The following ATG13 variants were observed in gnomAD, a reference collection of about 807,000 sequenced individuals.
ATG13 encodes autophagy related 13, also known as autophagy-related protein 13.
Under a neutral mutation model 65.5 loss-of-function variants are expected in ATG13, and 23 were observed. The observed-to-expected ratio is 0.35, with a 90% CI of 0.25 to 0.50. ATG13 has a LOEUF of 0.50. ATG13 is among the 20% of genes least tolerant of loss of function. The probability of loss-of-function intolerance (pLI) is 0.98; values close to 1 mark genes in which losing one functional copy is unlikely to be tolerated. For synonymous variants in ATG13, 252 were observed against 245.2 expected (o/e 1.03, Z -0.26); for missense variants, 566 against 677.0 (o/e 0.84, Z 1.82).
Position 46,644,265 on chromosome 11 carries a change from C to CT in ATG13, c.-13-3dup, listed in dbSNP as rs750958461. On this transcript the variant is annotated splice_polypyrimidine_tract_variant and intron_variant, in intron 2 of 18. Transcript: ENST00000683050. ...AAAGATATTAGTCATATTTTTTTCA[C>CT]TTTTTTTTTTTAGATTCCTATAGGC... 60,668 of 998,918 alleles carry CT rather than the reference C, an allele frequency of 0.061. 4 individuals are homozygous for CT. Among genetic ancestry groups the CT allele is most frequent in the South Asian group, 0.084 (4,633 of 54,914 alleles). The allele number at this position is 998,918 out of a possible 1,614,324, so 61.9% of individuals were successfully genotyped here. A position where few individuals can be genotyped will look rare whatever the true frequency, so the allele number is the denominator to read the frequency against.
chr11:46,664,104 A>G lies in ATG13; in HGVS notation c.888+9A>G. On this transcript the variant is annotated intron_variant, in intron 12 of 18. Coordinates refer to ENST00000683050, the MANE Select transcript of ATG13 (RefSeq NM_001346311.2). Reference sequence around the variant, plus strand: ...TGGCCTTTTCCCATCAAGTGAGTCCATAATGGGAAGAAGGGGATATAATCA... The same window carrying G: ...TGGCCTTTTCCCATCAAGTGAGTCCGTAATGGGAAGAAGGGGATATAATCA... The G allele has an allele frequency of 6.4e-7, 1 of 1,562,222 alleles. No individual in the cohort carries two copies. The highest frequency in any genetic ancestry group is 1.1e-5 in the South Asian group (1 of 87,754).
intron 2 of ATG13, 103 bp from the exon 3 acceptor site, chr11:46,644,176 A>G: frequency 1.2e-6 from 1 of 847,632 alleles, no homozygotes; most frequent in Non-Finnish European, 1.7e-6. Flanking sequence ...CCACTCCCAC[A>G]TGATTATTCC....
intron 2 of ATG13, among the ~76,000 whole-genome samples, chr11:46,643,211 G>C (rs1405803071): frequency 2.6e-5 from 4 of 152,070 alleles, no homozygotes; most frequent in Non-Finnish European, 5.9e-5. Flanking sequence ...CAGGGGTTGG[G>C]GGTTGGCGGT....
At chr11:46,637,479 T>C (rs2054365606) in intron 2 of ATG13, among the ~76,000 whole-genome samples, 1 of 152,176 alleles carries the variant, frequency 6.6e-6, no homozygotes, top group East Asian at 1.9e-4. Context: ...TTCAAGTGAT[T>C]CTCTTGCCCA....
At position 46,665,394 on chromosome 11, in the gene ATG13, T is replaced by C. The variant is rs753483474; in HGVS notation, c.1011T>C (p.Pro337=). Residue 337 remains proline (P), a synonymous_variant, in exon 14 of 19, where the codon CCT becomes CCC. Transcript: ENST00000683050. The stretch of plus-strand genomic sequence containing the variant: ...ATTTTTCCCCAAAGCTGATGGTTCC[T>C]GGGAAGGAAGGTGGGGTACCCCTTG... The part of the protein sequence containing the change: ...NATHPHQLMV[P]GKEGGVPLAP... The C allele has an allele frequency of 6.2e-7, 1 of 1,613,912 alleles. No homozygotes were observed. Among genetic ancestry groups the C allele is most frequent in the Non-Finnish European group, 8.5e-7 (1 of 1,179,872 alleles).
intron 1 of ATG13, among the ~76,000 whole-genome samples, chr11:46,624,847 A>T (rs1273261945): frequency 6.6e-6 from 1 of 152,134 alleles, no homozygotes; most frequent in African/African-American, 2.4e-5. Flanking sequence ...AGCCTGAGCA[A>T]CATAGTGAGA....
chr11:46,657,109 C>T lies in ATG13; in HGVS notation c.514C>T (p.Arg172Cys), dbSNP rs759630324. ...SGLGEGFQTV[R>C]VGTVGTPVGT... is the part of the protein sequence containing the mutation. Reference sequence around the variant, plus strand: ...TCTTCTCCTAGGCTTCCAGACAGTTCGTGTTGGGACAGTGGGCACCCCTGT... The same window carrying T: ...TCTTCTCCTAGGCTTCCAGACAGTTTGTGTTGGGACAGTGGGCACCCCTGT... The change falls in exon 9 of 19, where the codon CGT (arginine) becomes TGT (cysteine). Residue 172 changes from arginine (R) to cysteine (C), a missense_variant. Arg to Cys is a radical substitution (Grantham distance 180). Transcript: ENST00000683050. 14 of 1,613,876 alleles carry T rather than the reference C, an allele frequency of 8.7e-6. No homozygotes were observed. The highest frequency in any genetic ancestry group is 1.3e-5 in the African/African-American group (1 of 75,038).
chr11:46,665,395 G>A lies in ATG13; in HGVS notation c.1012G>A (p.Gly338Arg). The A allele has an allele frequency of 6.2e-7, 1 of 1,613,884 alleles. No homozygotes were observed. ...TTTTTCCCCAAAGCTGATGGTTCCTGGGAAGGAAGGTGGGGTACCCCTTGC... is the reference window on the plus strand; with the variant it reads ...TTTTTCCCCAAAGCTGATGGTTCCTAGGAAGGAAGGTGGGGTACCCCTTGC... ...ATHPHQLMVP[G>R]KEGGVPLAPN... The change falls in exon 14 of 19, where the codon GGG becomes AGG. Residue 338 changes from glycine (G) to arginine (R), a missense_variant. By Grantham distance (125) the Gly-to-Arg change is moderately radical. Transcript: ENST00000683050.
At position 46,649,128 on chromosome 11, in the gene ATG13, T is replaced by C. The variant is rs2058380728; in HGVS notation, c.271-9T>C. On this transcript the variant is annotated splice_polypyrimidine_tract_variant and intron_variant, in intron 5 of 18. Transcript: ENST00000683050. ...TTAAACAAATATTTTAAATTTGTCC[T>C]TTCTACAGGGAGATTCCATGGAGCT... is the stretch of plus-strand genomic sequence containing the variant. The C allele has an allele frequency of 1.2e-6, 2 of 1,609,184 alleles. No individual in the cohort carries two copies. Among genetic ancestry groups the C allele is most frequent in the South Asian group, 1.1e-5 (1 of 89,792 alleles).
At chr11:46,664,332 A>G (rs971126249) in intron 12 of ATG13, among the ~76,000 whole-genome samples, 1 of 152,214 alleles carries the variant, frequency 6.6e-6, no homozygotes, top group African/African-American at 2.4e-5. Context: ...TATTTATATC[A>G]GATTTTTAAA....
intron 7 of ATG13, 119 bp downstream of exon 7, chr11:46,650,436 G>C: frequency 1.5e-6 from 2 of 1,347,078 alleles, no homozygotes; most frequent in Non-Finnish European, 2.0e-6. Flanking sequence ...TTGGATTATT[G>C]ATGCTGTCGC....
At chr11:46,646,490 T>C (rs1384393011) in intron 5 of ATG13, among the ~76,000 whole-genome samples, 1 of 150,252 alleles carries the variant, frequency 6.7e-6, no homozygotes, top group Non-Finnish European at 1.5e-5. Context: ...TGAGACAGAG[T>C]TTCACTCTTG....
chr11:46,644,027 G>T (rs1215699596), intron 2 of ATG13, among the ~76,000 whole-genome samples: 1 of 152,152 alleles, frequency 6.6e-6, no homozygotes, highest in Non-Finnish European at 1.5e-5. Context: ...AAAGCTCAAA[G>T]TTTCAGAATC....
At chr11:46,640,759 T>G (rs1413162710) in intron 2 of ATG13, among the ~76,000 whole-genome samples, 1 of 152,206 alleles carries the variant, frequency 6.6e-6, no homozygotes, top group Non-Finnish European at 1.5e-5. Flanking sequence ...AAATGCAGAT[T>G]AGATGAGATA....
chr11:46,667,816 T>A lies in ATG13; in HGVS notation c.1180T>A (p.Ser394Thr), dbSNP rs369262344. 1.2e-6 allele frequency: 2 copies of A among 1,611,714 alleles called. No homozygotes were observed. Among genetic ancestry groups the A allele is most frequent in the African/African-American group, 2.7e-5 (2 of 74,876 alleles). ...TVSNSSEGRA[S>T]PHDVLETIFV... ...ATCAAACAGCAGTGAGGGACGGGCC[T>A]CCCCTCACGATGTCTTGGAGACCAT... is the stretch of plus-strand genomic sequence containing the variant. The change falls in exon 15 of 19, where the codon TCC (serine) becomes ACC (threonine). Residue 394 changes from serine to threonine, a missense_variant. Coordinates refer to ENST00000683050, the MANE Select transcript of ATG13 (RefSeq NM_001346311.2).
intron 2 of ATG13, among the ~76,000 whole-genome samples, chr11:46,634,625 C>T (rs2053279929): frequency 6.6e-6 from 1 of 151,882 alleles, no homozygotes; most frequent in South Asian, 2.1e-4. Context: ...AAACTCCTGA[C>T]CTCAAGTAAT....
At chr11:46,648,931 C>T (rs1048230539) in intron 5 of ATG13, 10 of 401,602 alleles carry the variant, frequency 2.5e-5, no homozygotes, top group Admixed American at 2.2e-4. Flanking sequence ...AATTCCATGA[C>T]GTATTTATTA....
intron 2 of ATG13, among the ~76,000 whole-genome samples, chr11:46,633,028 T>TATATA (rs1565448175): frequency 1.2e-3 from 73 of 60,772 alleles, no homozygotes; most frequent in African/African-American, 4.6e-3. Flanking sequence ...ATATATATAT[T>TATATA]TTTTTTTTTT....
intron 7 of ATG13, among the ~76,000 whole-genome samples, chr11:46,654,565 A>T (rs1484011779): frequency 6.7e-6 from 1 of 150,022 alleles, no homozygotes; most frequent in East Asian, 2.0e-4. Context: ...TACTAGAAAT[A>T]AAAAAACTTA....
Sources: allele counts gnomAD v4.1 joint callset (sites outside exome capture counted in the v4.1 genomes callset), GRCh38; gene constraint gnomAD v4.1.1; transcripts MANE v1.5; gene names NCBI Gene and HGNC (gene_info 2026-07-23, HGNC 2026-07-21).